The following GRM8 variants were observed in gnomAD, a reference collection of about 807,000 sequenced individuals.
GRM8 encodes glutamate metabotropic receptor 8, also known as metabotropic glutamate receptor 8.
Under a neutral mutation model 87.2 loss-of-function variants are expected in GRM8, and 47 were observed. The ratio of observed to expected loss-of-function variants is 0.54; its 90% confidence interval spans 0.43 to 0.69. The LOEUF is 0.69. Among genes scored for constraint, GRM8 ranks in the 30% least tolerant of loss-of-function variants. GRM8 has a pLI of 0.00. For synonymous variants in GRM8, 396 were observed against 404.5 expected, an observed-to-expected ratio of 0.98 and a Z score of 0.25; for missense variants, 1,019 against 1,139.2, an observed-to-expected ratio of 0.89 and a Z score of 1.52.
At chr7:126,776,095 T>C (rs1819443147) in intron 6 of GRM8, among the ~76,000 whole-genome samples, 1 of 152,290 alleles carries the variant, frequency 6.6e-6, no homozygotes, top group African/African-American at 2.4e-5. Flanking sequence ...TCTTAAATAC[T>C]AGGCTTAAAT....
intron 9 of GRM8, among the ~76,000 whole-genome samples, chr7:126,463,095 A>G (rs996617233): frequency 6.6e-6 from 1 of 150,434 alleles, no homozygotes; most frequent in Non-Finnish European, 1.5e-5. Context: ...AGTGTTTTAC[A>G]GAATTAATGT....
chr7:127,069,085 A>G (rs149832528), intron 3 of GRM8, among the ~76,000 whole-genome samples: 127 of 152,318 alleles, frequency 8.3e-4, no homozygotes, highest in African/African-American at 2.9e-3. Flanking sequence ...AACCATTTTC[A>G]TTGGAAGACA....
chr7:126,778,764 C>T lies in GRM8; in HGVS notation c.1157-8699G>A, dbSNP rs527419479. Reference sequence around the variant, plus strand: ...ACTTCAGCAGAAAGGACTTCTAATGCTACCCCCACCCCCAATATGTTACAG... The same window carrying T: ...ACTTCAGCAGAAAGGACTTCTAATGTTACCCCCACCCCCAATATGTTACAG... On this transcript the variant is annotated intron_variant, in intron 6 of 10. Coordinates refer to ENST00000339582, the MANE Select transcript of GRM8 (RefSeq NM_000845.3). Among the ~76,000 whole-genome samples, 8 of 152,210 alleles carry T rather than the reference C, an allele frequency of 5.3e-5. No individual in the cohort carries two copies. The South Asian group carries it at 1.7e-3, about 32-fold the overall frequency.
At chr7:127,212,959 G>A (rs534973208) in intron 2 of GRM8, among the ~76,000 whole-genome samples, 3 of 152,304 alleles carry the variant, frequency 2.0e-5, no homozygotes, top group African/African-American at 7.2e-5. Flanking sequence ...AAATTCAACA[G>A]ATAGATTTCT....
At chr7:126,544,146 T>C (rs1359089318) in intron 8 of GRM8, among the ~76,000 whole-genome samples, 1 of 152,180 alleles carries the variant, frequency 6.6e-6, no homozygotes, top group African/African-American at 2.4e-5. Flanking sequence ...ATGTGTTTAT[T>C]TCCCCACCAG....
intron 2 of GRM8, among the ~76,000 whole-genome samples, chr7:127,237,031 G>A (rs1798020655): frequency 6.6e-6 from 1 of 152,190 alleles, no homozygotes. Flanking sequence ...CAAGGAAAGT[G>A]AGAAAAGGAT....
intron 7 of GRM8, among the ~76,000 whole-genome samples, chr7:126,768,926 G>C (rs367746158): frequency 1.4e-5 from 1 of 70,954 alleles, no homozygotes; most frequent in East Asian, 2.2e-4. Flanking sequence ...AAGGAAAAAT[G>C]CAAAAAAAAA....
intron 2 of GRM8, among the ~76,000 whole-genome samples, chr7:127,188,752 T>C (rs1159136065): frequency 6.6e-6 from 1 of 152,204 alleles, no homozygotes; most frequent in African/African-American, 2.4e-5. Flanking sequence ...CAATTCACTT[T>C]GTCCAGGGAG....
In GRM8 at chr7:126,565,408, C is replaced by T. The variant is rs150331227; in HGVS notation, c.1495-31521G>A. Among the ~76,000 whole-genome samples, 6 of 152,058 alleles carry T rather than the reference C, an allele frequency of 3.9e-5. No homozygotes were observed. The East Asian group carries it at 9.7e-4, about 25-fold the overall frequency. Reference sequence around the variant, plus strand: ...CAATTGTATTGCTATGTATTAATGACAAACTATCTGAAAAAATTGGGAAAA... The same window carrying T: ...CAATTGTATTGCTATGTATTAATGATAAACTATCTGAAAAAATTGGGAAAA... On this transcript the variant is annotated intron_variant, in intron 8 of 10. Transcript: ENST00000339582.
chr7:126,773,244 A>G (rs1022374505), intron 6 of GRM8, among the ~76,000 whole-genome samples: 1 of 152,112 alleles, frequency 6.6e-6, no homozygotes, highest in Non-Finnish European at 1.5e-5. Context: ...TTTGTTTTTA[A>G]TCTAATTATT....
chr7:126,592,579 A>C (rs1796788425), intron 8 of GRM8, among the ~76,000 whole-genome samples: 1 of 152,016 alleles, frequency 6.6e-6, no homozygotes, highest in Non-Finnish European at 1.5e-5. Flanking sequence ...ACAACATTCA[A>C]CATACTTTCA....
chr7:127,196,448 C>T (rs951261998), intron 2 of GRM8, among the ~76,000 whole-genome samples: 1 of 151,632 alleles, frequency 6.6e-6, no homozygotes, highest in Non-Finnish European at 1.5e-5. Context: ...ACCCAGGAGG[C>T]AGAGGTTGCA....
At chr7:126,798,077 G>C (rs767502626) in intron 6 of GRM8, among the ~76,000 whole-genome samples, 2 of 152,054 alleles carry the variant, frequency 1.3e-5, no homozygotes. Context: ...ACTAAAGAAA[G>C]TCTCAGAATT....
In GRM8 at chr7:127,056,148, TTGA is replaced by T. The variant is rs530141976; in HGVS notation, c.727+50345_727+50347del. Among the ~76,000 whole-genome samples, 4 of 152,226 alleles carry T rather than the reference TTGA, an allele frequency of 2.6e-5. No individual in the cohort carries two copies. The South Asian group carries it at 8.3e-4, about 32-fold the overall frequency. ...TAATTTAAGTTATTTCAGGAAATTT[TTGA>T]TGATATGTTGCTCTACATTATTCTT... On this transcript the variant is annotated intron_variant, in intron 3 of 10. Coordinates refer to ENST00000339582, the MANE Select transcript of GRM8 (RefSeq NM_000845.3).
At chr7:126,768,277 T>C (rs1346445807) in intron 7 of GRM8, among the ~76,000 whole-genome samples, 1 of 149,426 alleles carries the variant, frequency 6.7e-6, no homozygotes, top group East Asian at 2.0e-4. Flanking sequence ...GAATGTTTTG[T>C]CTATGTTCCC....
chr7:126,686,901 T>C (rs757871285), intron 7 of GRM8, among the ~76,000 whole-genome samples: 1 of 152,176 alleles, frequency 6.6e-6, no homozygotes, highest in Non-Finnish European at 1.5e-5. Context: ...CAAAGATATG[T>C]GAAAAACCAG....
chr7:126,818,640 G>C (rs2151757170), intron 6 of GRM8, among the ~76,000 whole-genome samples: 1 of 152,272 alleles, frequency 6.6e-6, no homozygotes, highest in South Asian at 2.1e-4. Flanking sequence ...AATTTTAAAA[G>C]TTGTAACCAC....
chr7:127,093,775 G>A (rs1824378753), intron 3 of GRM8, among the ~76,000 whole-genome samples: 1 of 152,082 alleles, frequency 6.6e-6, no homozygotes, highest in African/African-American at 2.4e-5. Flanking sequence ...CCTTCCTCTT[G>A]TGGGACCCCC....
chr7:126,766,286 T>C (rs746127586), intron 7 of GRM8, among the ~76,000 whole-genome samples: 29 of 152,138 alleles, frequency 1.9e-4, no homozygotes, highest in South Asian at 8.3e-4. Context: ...CTACTTCACC[T>C]TCTGCTCCTA....
Sources: allele counts gnomAD v4.1 joint callset (sites outside exome capture counted in the v4.1 genomes callset), GRCh38; gene constraint gnomAD v4.1.1; transcripts MANE v1.5; gene names NCBI Gene and HGNC (gene_info 2026-07-23, HGNC 2026-07-21).